TTC39C: variants seen among roughly 807,000 people sequenced by gnomAD.
The protein encoded by TTC39C is tetratricopeptide repeat domain 39C, also known as tetratricopeptide repeat protein 39C.
Under a neutral mutation model 76.3 loss-of-function variants are expected in TTC39C, and 33 were observed. The ratio of observed to expected loss-of-function variants is 0.43; its 90% CI spans 0.33 to 0.58. TTC39C has a LOEUF of 0.58. TTC39C is among the 20% of genes least tolerant of loss of function. The pLI is 0.04. For missense variants in TTC39C, 595 were observed against 701.4 expected (o/e 0.85, Z 1.71); for synonymous variants, 254 against 260.6 (o/e 0.97, Z 0.24).
chr18:24,128,867 C>A lies in TTC39C; in HGVS notation c.1421-19C>A. On this transcript the variant is annotated intron_variant, in intron 10 of 13. Coordinates refer to ENST00000317571, the MANE Select transcript of TTC39C (RefSeq NM_001135993.2). ...GAATGCATTTGCTTACTGCTCTGTT[C>A]ACTCCCCTTCTTTTTAAGCTTGCCA... 1.9e-6 allele frequency: 3 copies of A among 1,603,060 alleles called. No individual in the cohort carries two copies. The highest frequency in any genetic ancestry group is 2.6e-6 in the Non-Finnish European group (3 of 1,172,130).
intron 1 of TTC39C, among the ~76,000 whole-genome samples, chr18:23,995,190 A>C (rs1297443460): frequency 6.6e-6 from 1 of 152,158 alleles, no homozygotes; most frequent in East Asian, 1.9e-4. Flanking sequence ...GGAATCGGCC[A>C]GGCGTGGTAG....
At chr18:24,114,995 T>C in intron 7 of TTC39C, 1 of 204,236 alleles carries the variant, frequency 4.9e-6, no homozygotes, top group Non-Finnish European at 9.9e-6. Flanking sequence ...CAGGAGATAG[T>C]TGGACTGAAG....
chr18:24,022,802 C>G (rs1440421659), intron 1 of TTC39C: 3 of 985,274 alleles, frequency 3.0e-6, no homozygotes, highest in African/African-American at 3.5e-5. Context: ...CTGCCCTTGT[C>G]CCTTCCATGC....
Position 24,080,818 on chromosome 18 carries a change from A to G in TTC39C, c.694A>G (p.Met232Val), listed in dbSNP as rs758024915. ...TGGCCTTTTTCACCTTTGCATATCC[A>G]TGGTGCCCCCAAACCTGCTCAAAAT... ...GYGLFHLCIS[M>V]VPPNLLKIIN... Residue 232 changes from methionine to valine, a missense_variant, in exon 5 of 14, where the codon ATG becomes GTG. Physicochemically the swap from Met to Val is conservative, Grantham distance 21 (BLOSUM62 1). Transcript: ENST00000317571. 4 of 1,613,988 alleles carry G rather than the reference A, an allele frequency of 2.5e-6. No individual in the cohort carries two copies. The highest frequency in any genetic ancestry group is 1.1e-5 in the South Asian group (1 of 91,086).
chr18:24,123,718 A>G lies in TTC39C; in HGVS notation c.1187-116A>G, dbSNP rs2085008290. 6 of 690,936 alleles carry G rather than the reference A, an allele frequency of 8.7e-6. No individual in the cohort carries two copies. In the South Asian group the frequency reaches 1.2e-4, roughly 14 times the overall value. 42.8% of individuals were successfully genotyped at this position (690,936 alleles called of 1,614,324 possible). ...CACCATGTCCAGCCCATTGTGGAATAGTCTTTAAACATATTTGCTCCTGCT... is the reference window on the plus strand; with the variant it reads ...CACCATGTCCAGCCCATTGTGGAATGGTCTTTAAACATATTTGCTCCTGCT... On this transcript the variant is annotated intron_variant, in intron 8 of 13. Transcript: ENST00000317571.
At position 24,083,011 on chromosome 18, in the gene TTC39C, T is replaced by C; in HGVS notation, c.914T>C (p.Leu305Pro). Residue 305 changes from leucine to proline, a missense_variant, in exon 6 of 14, where the codon CTT (leucine) becomes CCT (proline). Leu to Pro is a moderately conservative substitution (Grantham distance 98, BLOSUM62 -3). Transcript: ENST00000317571. ...AGLDEAKEIL[L>P]KKEAAYPNSS... Reference sequence around the variant, plus strand: ...CTGGATGAAGCTAAGGAAATTCTCCTTAAAAAAGAAGCTGCTTATCCAAAT... The same window carrying C: ...CTGGATGAAGCTAAGGAAATTCTCCCTAAAAAAGAAGCTGCTTATCCAAAT... 2 of 1,614,154 alleles carry C rather than the reference T, an allele frequency of 1.2e-6. No homozygotes were observed. Among genetic ancestry groups the C allele is most frequent in the Non-Finnish European group, 1.7e-6 (2 of 1,179,986 alleles).
chr18:24,091,648 C>T (rs1251633278), intron 6 of TTC39C, among the ~76,000 whole-genome samples: 6 of 152,022 alleles, frequency 3.9e-5, no homozygotes, highest in Non-Finnish European at 5.9e-5. Context: ...GAAACATTTG[C>T]GCTATAAACA....
intron 1 of TTC39C, chr18:24,019,742 T>C (rs1024375663): frequency 1.3e-6 from 1 of 777,652 alleles, no homozygotes; most frequent in African/African-American, 1.8e-5. Flanking sequence ...GACACAGCCA[T>C]GCTCATTTGG....
chr18:24,130,588 TTATTA>T (rs922986076), intron 12 of TTC39C, among the ~76,000 whole-genome samples, 171 bp downstream of exon 12: 1 of 152,158 alleles, frequency 6.6e-6, no homozygotes, highest in African/African-American at 2.4e-5. Flanking sequence ...TAATACTACC[TTATTA>T]TCTTTAAGGA....
chr18:24,086,876 G>A (rs545934824), intron 6 of TTC39C, among the ~76,000 whole-genome samples: 5 of 152,070 alleles, frequency 3.3e-5, no homozygotes, highest in Admixed American at 6.6e-5. Flanking sequence ...TTCCTACTGA[G>A]TGCTTAAGCA....
chr18:24,088,246 T>C (rs8087472), intron 6 of TTC39C, among the ~76,000 whole-genome samples: 119,867 of 152,200 alleles, frequency 0.79, 48,912 homozygotes, highest in Non-Finnish European at 0.89. Context: ...TATAAAGAAC[T>C]GAATTAAATT....
intron 7 of TTC39C, chr18:24,115,057 C>A (rs1323937691): frequency 5.9e-6 from 1 of 168,408 alleles, no homozygotes; most frequent in Non-Finnish European, 1.3e-5. Flanking sequence ...GTTGCCCAAA[C>A]CTTCCTAGCC....
At chr18:24,006,114 G>A (rs1243071962) in intron 1 of TTC39C, among the ~76,000 whole-genome samples, 2 of 151,498 alleles carry the variant, frequency 1.3e-5, no homozygotes, top group Non-Finnish European at 2.9e-5. Flanking sequence ...CTAGGCTCAA[G>A]CCATCCTCCC....
chr18:24,012,400 G>C (rs2145635932), upstream of TTC39C, among the ~76,000 whole-genome samples: 1 of 152,214 alleles, frequency 6.6e-6, no homozygotes, highest in South Asian at 2.1e-4. Context: ...TTCCCTGTCT[G>C]CACAACGGAC....
In TTC39C at chr18:24,107,649, A is replaced by G. The variant is rs141850197; in HGVS notation, c.985-6905A>G. 5.4e-3 allele frequency among the ~76,000 whole-genome samples: 816 copies of G among 152,306 alleles called. 8 individuals are homozygous for G. The highest frequency in any genetic ancestry group is 0.019 in the African/African-American group (779 of 41,562). ...TCCTTCGCCTTCTGCCATGATTGCAAGGCCTCCCCAGCCATGTGGAACTGT... is the reference window on the plus strand; with the variant it reads ...TCCTTCGCCTTCTGCCATGATTGCAGGGCCTCCCCAGCCATGTGGAACTGT... On this transcript the variant is annotated intron_variant, in intron 6 of 13. Transcript: ENST00000317571.
In TTC39C at chr18:24,066,151, C is replaced by T. The variant is rs755209601; in HGVS notation, c.345+11C>T. 20 of 1,592,424 alleles carry T rather than the reference C, an allele frequency of 1.3e-5. No individual in the cohort carries two copies. The highest frequency in any genetic ancestry group is 1.4e-5 in the Non-Finnish European group (17 of 1,174,004). ...AAAATTAAGAAGAACGTAAGTATTG[C>T]GGCTTTAGGTTGTGGACTGTGTGCC... On this transcript the variant is annotated intron_variant, in intron 3 of 13. Coordinates refer to ENST00000317571, the MANE Select transcript of TTC39C (RefSeq NM_001135993.2).
chr18:23,997,195 T>C (rs965160881), intron 1 of TTC39C, among the ~76,000 whole-genome samples: 3 of 152,100 alleles, frequency 2.0e-5, no homozygotes, highest in Non-Finnish European at 2.9e-5. Flanking sequence ...GGCAGGAAGA[T>C]TGCCTGAGGC....
At chr18:24,045,928 T>TATATATATATATA (rs1251153059) in intron 1 of TTC39C, among the ~76,000 whole-genome samples, 8 of 22,900 alleles carry the variant, frequency 3.5e-4, no homozygotes, top group Non-Finnish European at 4.3e-4. Context: ...TATATATATA[T>TATATATATATATA]TTTTTTTTTT....
intron 8 of TTC39C, among the ~76,000 whole-genome samples, chr18:24,123,357 G>A (rs993617594): frequency 6.6e-6 from 1 of 151,952 alleles, no homozygotes; most frequent in African/African-American, 2.4e-5. Flanking sequence ...ACTGCAGGAC[G>A]GTGCAGTCCT....
Sources: gnomAD v4.1 joint callset for allele counts (sites outside exome capture counted in the v4.1 genomes callset) on GRCh38, gnomAD v4.1.1 for gene constraint, MANE v1.5 for transcripts, NCBI Gene and HGNC (gene_info 2026-07-23, HGNC 2026-07-21) for gene names.